HADH: variants seen among roughly 807,000 people sequenced by gnomAD.
HADH encodes the protein hydroxyacyl-coenzyme A dehydrogenase, mitochondrial.
HADH carries 24 observed loss-of-function variants against 32.2 expected under a neutral mutation model. The ratio of observed to expected loss-of-function variants is 0.75; its 90% CI spans 0.54 to 1.05. HADH has a LOEUF of 1.05. HADH is among the 50% of genes least tolerant of loss of function. The pLI is 0.00. For synonymous variants in HADH, 139 were observed against 152.5 expected, an observed-to-expected ratio of 0.91 and a Z score of 0.65; for missense variants, 350 against 397.1, an observed-to-expected ratio of 0.88 and a Z score of 1.01.
intron 5 of HADH, chr4:108,027,008 TA>T (rs1406928892): frequency 1.9e-5 from 3 of 158,436 alleles, no homozygotes; most frequent in Non-Finnish European, 4.2e-5. Context: ...GCAGAGGTCT[TA>T]GGGGGTGTGC....
At chr4:108,033,428 C>A in intron 7 of HADH, 136 bp downstream of exon 7, 1 of 707,548 alleles carries the variant, frequency 1.4e-6, no homozygotes. Flanking sequence ...GTTGAGAATT[C>A]ATGAACAGAT....
chr4:108,018,368 C>A (rs910966221), intron 3 of HADH, among the ~76,000 whole-genome samples: 1 of 151,964 alleles, frequency 6.6e-6, no homozygotes, highest in African/African-American at 2.4e-5. Context: ...ATATTATTTT[C>A]CCCAATGACC....
At chr4:108,020,127 G>A (rs7691506) in intron 4 of HADH, among the ~76,000 whole-genome samples, 131,893 of 152,160 alleles carry the variant, frequency 0.87, 58,042 homozygotes, top group East Asian at 0.97. Context: ...GTGCCTTAGC[G>A]TTGTCCCCAG....
chr4:108,015,673 C>T (rs1420018706), intron 3 of HADH, among the ~76,000 whole-genome samples: 1 of 152,198 alleles, frequency 6.6e-6, no homozygotes, highest in Non-Finnish European at 1.5e-5. Flanking sequence ...GTGATCTGAT[C>T]CTTGTCCCAG....
At chr4:108,006,630 G>A (rs1319259111) in intron 1 of HADH, among the ~76,000 whole-genome samples, 1 of 152,130 alleles carries the variant, frequency 6.6e-6, no homozygotes, top group East Asian at 1.9e-4. Flanking sequence ...GGTCTGGAGT[G>A]GAGTCTGAGA....
chr4:108,010,395 A>T (rs141066), intron 2 of HADH, among the ~76,000 whole-genome samples: 40,457 of 147,894 alleles, frequency 0.27, 6,095 homozygotes, highest in South Asian at 0.41. Flanking sequence ...GTGGGATGAG[A>T]AGGAGTTGGT....
intron 4 of HADH, 75 bp from the exon 5 acceptor site, chr4:108,023,399 C>A: frequency 1.2e-6 from 1 of 865,324 alleles, no homozygotes; most frequent in South Asian, 1.3e-5. Context: ...GCCTTTTGAT[C>A]AATCATTCCT....
At chr4:108,018,375 GA>G (rs1370327008) in intron 3 of HADH, among the ~76,000 whole-genome samples, 1 of 152,030 alleles carries the variant, frequency 6.6e-6, no homozygotes, top group Non-Finnish European at 1.5e-5. Context: ...TTTCCCCAAT[GA>G]CCAAAAGCAA....
chr4:108,000,858 G>A (rs973330274), intron 1 of HADH, among the ~76,000 whole-genome samples: 11 of 152,142 alleles, frequency 7.2e-5, no homozygotes, highest in Non-Finnish European at 1.2e-4. Flanking sequence ...GGTTACTACC[G>A]TCCAAAGCAT....
chr4:107,994,865 T>A (rs1734911028), intron 1 of HADH, among the ~76,000 whole-genome samples: 1 of 152,214 alleles, frequency 6.6e-6, no homozygotes, highest in South Asian at 2.1e-4. Context: ...GGAGATACTG[T>A]CATTCCTAGA....
At chr4:107,991,380 C>T (rs1176292299) in intron 1 of HADH, among the ~76,000 whole-genome samples, 1 of 152,060 alleles carries the variant, frequency 6.6e-6, no homozygotes, top group Non-Finnish European at 1.5e-5. Context: ...CGCTTTCATG[C>T]TTGCTTTTTA....
intron 1 of HADH, among the ~76,000 whole-genome samples, chr4:107,997,367 G>C (rs748789736): frequency 1.3e-5 from 2 of 152,192 alleles, no homozygotes; most frequent in Non-Finnish European, 2.9e-5. Context: ...CCAGTCACCA[G>C]ACCAGTTGAT....
intron 1 of HADH, among the ~76,000 whole-genome samples, chr4:107,995,454 C>T (rs1379017268): frequency 6.6e-6 from 1 of 152,112 alleles, no homozygotes; most frequent in Non-Finnish European, 1.5e-5. Flanking sequence ...GAGGATTTCT[C>T]TTAGATTGTC....
intron 1 of HADH, among the ~76,000 whole-genome samples, chr4:107,996,289 G>T (rs1734956568): frequency 6.6e-6 from 1 of 152,128 alleles, no homozygotes; most frequent in South Asian, 2.1e-4. Flanking sequence ...GAGGCATTTG[G>T]ATTTATAACT....
At position 108,011,025 on chromosome 4, in the gene HADH, T is replaced by G. The variant is rs947332361; in HGVS notation, c.261+1138T>G. Among the ~76,000 whole-genome samples the G allele has an allele frequency of 1.6e-4, 24 of 152,158 alleles. 1 individual carries two copies. Among genetic ancestry groups the G allele is most frequent in the Admixed American group, 1.4e-3 (21 of 15,274 alleles). On this transcript the variant is annotated intron_variant, in intron 2 of 7. Transcript: ENST00000309522. ...CACCACGTCCAGCTAATTTTTGTAG[T>G]TTTAGTAGAGATGGGGTTTCACCAT...
rs771071992 is a variant in HADH at position 108,033,227 on chromosome 4, A to G, written c.761A>G (p.Tyr254Cys). ...IDTAMKLGAGYPMGPFELLDY... is the reference protein window; with the variant it reads ...IDTAMKLGAGCPMGPFELLDY... ...ACTGCTATGAAATTAGGAGCCGGTTACCCCATGGGCCCATTTGAGCTTCTA... is the reference window on the plus strand; with the variant it reads ...ACTGCTATGAAATTAGGAGCCGGTTGCCCCATGGGCCCATTTGAGCTTCTA... Residue 254 changes from tyrosine (Y) to cysteine (C), a missense_variant, in exon 7 of 8, where the codon TAC becomes TGC. Physicochemically the swap from Tyr to Cys is radical, Grantham distance 194 (BLOSUM62 -2). Transcript: ENST00000309522. 10 of 1,611,082 alleles carry G rather than the reference A, an allele frequency of 6.2e-6. No individual in the cohort carries two copies. Among genetic ancestry groups the G allele is most frequent in the African/African-American group, 1.3e-5 (1 of 74,830 alleles).
chr4:108,015,514 G>A (rs1277673758), intron 3 of HADH, among the ~76,000 whole-genome samples: 1 of 152,084 alleles, frequency 6.6e-6, no homozygotes, highest in East Asian at 1.9e-4. Context: ...TTTCCTCCTT[G>A]TTTATTGCCT....
chr4:108,019,256 T>C (rs1375210200), intron 3 of HADH, among the ~76,000 whole-genome samples: 2 of 152,220 alleles, frequency 1.3e-5, no homozygotes, highest in Non-Finnish European at 2.9e-5. Flanking sequence ...TACAAGTAGG[T>C]AGGGGAAATT....
At chr4:108,032,284 C>A in intron 6 of HADH, 1 of 1,356,186 alleles carries the variant, frequency 7.4e-7, no homozygotes, top group Non-Finnish European at 1.0e-6. Flanking sequence ...AGTAAATTTC[C>A]AAGGGAAAAG....
Sources: gnomAD v4.1 joint callset for allele counts (sites outside exome capture counted in the v4.1 genomes callset) on GRCh38, gnomAD v4.1.1 for gene constraint, MANE v1.5 for transcripts, NCBI Gene and HGNC (gene_info 2026-07-23, HGNC 2026-07-21) for gene names.